The following RIF1 variants were observed in gnomAD, a reference collection of about 807,000 sequenced individuals.
RIF1 encodes the protein telomere-associated protein RIF1.
In RIF1, 45 loss-of-function variants were observed where a neutral mutation model predicts 247.1. The observed-to-expected ratio is 0.18, with a 90% CI of 0.14 to 0.23. The LOEUF (loss-of-function observed/expected upper bound fraction) is 0.23. Ranked by LOEUF, RIF1 falls within the 10% of genes least tolerant of loss-of-function variation. RIF1 has a pLI of 1.00. For synonymous variants in RIF1, 1,087 were observed against 978.8 expected, an observed-to-expected ratio of 1.11 and a Z score of -2.06; for missense variants, 2,967 against 2,862.5, an observed-to-expected ratio of 1.04 and a Z score of -0.83.
the RIF1 span, among the ~76,000 whole-genome samples, chr2:151,515,261 C>T: frequency 6.6e-6 from 1 of 152,194 alleles, no homozygotes; most frequent in South Asian, 2.1e-4. Flanking sequence ...TTTCCCACAC[C>T]TTTCTTAAGG....
chr2:151,529,074 A>T, the RIF1 span: 1 of 684,780 alleles, frequency 1.5e-6, no homozygotes, highest in Non-Finnish European at 2.6e-6. Flanking sequence ...ATCATTGTTC[A>T]TGCTCCTGGG....
intron 11 of RIF1, among the ~76,000 whole-genome samples, chr2:151,502,472 G>T (rs758555452): frequency 6.6e-6 from 1 of 151,506 alleles, no homozygotes; most frequent in Non-Finnish European, 1.5e-5. Flanking sequence ...AATTAACATT[G>T]TCCTTTTGAA....
intron 34 of RIF1, among the ~76,000 whole-genome samples, chr2:151,471,054 C>A (rs996769780): frequency 1.3e-5 from 2 of 151,980 alleles, no homozygotes; most frequent in African/African-American, 4.8e-5. Flanking sequence ...AGAAGAAACA[C>A]TGACCCATTA....
intron 9 of RIF1, 92 bp from the exon 10 acceptor site, chr2:151,432,985 T>C: frequency 2.0e-6 from 2 of 978,094 alleles, no homozygotes; most frequent in Non-Finnish European, 2.9e-6. Flanking sequence ...AAATACGTTC[T>C]CTTGCTGTGA....
At chr2:151,466,243 C>A in intron 30 of RIF1, 123 bp downstream of exon 30, 1 of 631,820 alleles carries the variant, frequency 1.6e-6, no homozygotes, top group Non-Finnish European at 2.8e-6. Context: ...GATTATTTAC[C>A]ATAATGGTTG....
intron 16 of RIF1, among the ~76,000 whole-genome samples, chr2:151,442,236 C>T (rs1345567212): frequency 2.6e-5 from 4 of 151,464 alleles, no homozygotes; most frequent in Admixed American, 1.3e-4. Context: ...CCACCACACC[C>T]GGCTAATTTT....
chr2:151,465,914 G>A lies in RIF1; in HGVS notation c.6394G>A (p.Ala2132Thr). Residue 2132 changes from alanine to threonine, a missense_variant, in exon 30 of 36, where the codon GCT becomes ACT. By Grantham distance (58) the Ala-to-Thr change is moderately conservative. Around this residue, in one of 7 missense-constraint regions of RIF1, gnomAD observed 2,028 missense variants for 1,825.6 expected, o/e 1.11. Coordinates refer to ENST00000444746, the MANE Select transcript of RIF1 (RefSeq NM_018151.5). Reference sequence around the variant, plus strand: ...ATCACAGTGTCTGGCATCTGGAACAGCTATCTCTGAGCTAATAATAGAAGA... The same window carrying A: ...ATCACAGTGTCTGGCATCTGGAACAACTATCTCTGAGCTAATAATAGAAGA... The part of the protein sequence containing the change: ...EPSQCLASGT[A>T]ISELIIEDNN... The A allele has an allele frequency of 6.2e-7, 1 of 1,614,148 alleles. No homozygotes were observed. Among genetic ancestry groups the A allele is most frequent in the Non-Finnish European group, 8.5e-7 (1 of 1,179,976 alleles).
At position 151,464,325 on chromosome 2, in the gene RIF1, A is replaced by G. The variant is rs143042080; in HGVS notation, c.4805A>G (p.His1602Arg). Residue 1602 changes from histidine (H) to arginine (R), a missense_variant, in exon 30 of 36, where the codon CAT (histidine) becomes CGT (arginine). Physicochemically the swap from His to Arg is conservative, Grantham distance 29. This residue lies in a region of RIF1 where 2,028 missense variants were observed against 1,825.6 expected (regional missense o/e 1.11). Coordinates refer to ENST00000444746, the MANE Select transcript of RIF1 (RefSeq NM_018151.5). ...QECIKAENQS[H>R]DYKATSEEDV... ...TGTATAAAAGCTGAAAATCAGTCAC[A>G]TGATTATAAAGCAACTTCTGAAGAA... is the stretch of plus-strand genomic sequence containing the variant. 3.1e-6 allele frequency: 5 copies of G among 1,611,050 alleles called. No homozygotes were observed. The highest frequency in any genetic ancestry group is 4.2e-6 in the Non-Finnish European group (5 of 1,179,312).
Position 151,465,882 on chromosome 2 carries a change from A to G in RIF1, c.6362A>G (p.Glu2121Gly), listed in dbSNP as rs772610052. Residue 2121 changes from glutamate to glycine, a missense_variant, in exon 30 of 36, where the codon GAG becomes GGG. Around this residue, in one of 7 missense-constraint regions of RIF1, gnomAD observed 2,028 missense variants for 1,825.6 expected, o/e 1.11. Coordinates refer to ENST00000444746, the MANE Select transcript of RIF1 (RefSeq NM_018151.5). ...QEDHHTSQKV[E>G]EPSQCLASGT... Reference sequence around the variant, plus strand: ...GATCACCATACTTCACAGAAAGTGGAGGAACCATCACAGTGTCTGGCATCT... The same window carrying G: ...GATCACCATACTTCACAGAAAGTGGGGGAACCATCACAGTGTCTGGCATCT... 3.7e-6 allele frequency: 6 copies of G among 1,613,630 alleles called. No homozygotes were observed. The Admixed American group carries it at 1.0e-4, about 27-fold the overall frequency.
At chr2:151,506,328 T>G (rs1387829911) in exon 13 of RIF1, 2 of 1,153,966 alleles carry the variant, frequency 1.7e-6, no homozygotes, top group African/African-American at 3.1e-5. Flanking sequence ...GGAGAAAGAC[T>G]AGGACACATG....
chr2:151,474,679 A>T (rs1386331864), intron 35 of RIF1, among the ~76,000 whole-genome samples, 178 bp from the exon 36 acceptor site: 1 of 152,190 alleles, frequency 6.6e-6, no homozygotes, highest in African/African-American at 2.4e-5. Flanking sequence ...CCATCTCATA[A>T]TAATAATAAG....
At chr2:151,488,831 T>G (rs1207544151) in intron 9 of RIF1, among the ~76,000 whole-genome samples, 2 of 152,174 alleles carry the variant, frequency 1.3e-5, no homozygotes, top group Non-Finnish European at 2.9e-5. Context: ...TCTTGCTGAT[T>G]TATAATTCTT....
downstream of RIF1, chr2:151,483,282 A>G (rs1308323580): frequency 2.0e-5 from 3 of 152,132 alleles, no homozygotes; most frequent in Non-Finnish European, 4.4e-5. Flanking sequence ...ACCAACAAGC[A>G]CAAGCAGATG....
chr2:151,494,139 C>T (rs567607576), intron 9 of RIF1: 263 of 1,576,478 alleles, frequency 1.7e-4, no homozygotes, highest in Non-Finnish European at 2.0e-4. Context: ...ATTAAAAGCA[C>T]TTTTGTTTCT....
chr2:151,443,185 TTAAA>T (rs1309016398), intron 16 of RIF1, 70 bp from the exon 17 acceptor site: 4 of 958,904 alleles, frequency 4.2e-6, no homozygotes, highest in Non-Finnish European at 1.6e-6. Context: ...ATTTTATTTC[TTAAA>T]TAACCAATTA....
chr2:151,514,951 A>T, the RIF1 span: 20 of 1,451,924 alleles, frequency 1.4e-5, no homozygotes, highest in Non-Finnish European at 1.9e-5. Flanking sequence ...GGAAGGAAAG[A>T]CAAGTTAAAA....
chr2:151,527,683 C>G, the RIF1 span: 1 of 812,718 alleles, frequency 1.2e-6, no homozygotes, highest in Non-Finnish European at 2.0e-6. Context: ...CAAAACATCT[C>G]AAATCATGAT....
intron 21 of RIF1, among the ~76,000 whole-genome samples, chr2:151,453,352 G>A (rs1246146806): frequency 6.6e-6 from 1 of 152,100 alleles, no homozygotes; most frequent in African/African-American, 2.4e-5. Flanking sequence ...CGAGGTGGGT[G>A]GATCACCTGA....
chr2:151,500,593 CTTTTTTTT>C (rs11428843), intron 11 of RIF1, among the ~76,000 whole-genome samples: 30 of 118,458 alleles, frequency 2.5e-4, no homozygotes, highest in Non-Finnish European at 4.1e-4. Context: ...TTCTTTCTTC[CTTTTTTTT>C]TTTTTTTTTT....
Sources: allele counts gnomAD v4.1 joint callset (sites outside exome capture counted in the v4.1 genomes callset), GRCh38; gene constraint gnomAD v4.1.1; regional missense constraint gnomAD v4.1.1; transcripts MANE v1.5; gene names NCBI Gene and HGNC (gene_info 2026-07-23, HGNC 2026-07-21).